The following ADAM12 variants were observed in gnomAD, a reference collection of about 807,000 sequenced individuals.
ADAM12 encodes disintegrin and metalloproteinase domain-containing protein 12.
ADAM12 carries 70 observed loss-of-function variants against 106.4 expected under a neutral mutation model. The observed-to-expected ratio is 0.66, with a 90% CI of 0.54 to 0.80. The LOEUF is 0.80. Ranked by LOEUF, ADAM12 falls within the 30% of genes least tolerant of loss-of-function variation. The pLI is 0.00. For synonymous variants in ADAM12, 420 were observed against 433.5 expected, an observed-to-expected ratio of 0.97 and a Z score of 0.39; for missense variants, 1,010 against 1,171.9, an observed-to-expected ratio of 0.86 and a Z score of 2.02.
chr10:126,190,751 G>C (rs914672971), intron 3 of ADAM12, among the ~76,000 whole-genome samples: 5 of 152,150 alleles, frequency 3.3e-5, no homozygotes, highest in Non-Finnish European at 7.4e-5. Flanking sequence ...TATGGTGGCT[G>C]AGAGCAAAGC....
At chr10:126,346,233 G>A (rs530982269) in intron 1 of ADAM12, among the ~76,000 whole-genome samples, 6 of 152,088 alleles carry the variant, frequency 3.9e-5, no homozygotes, top group Admixed American at 2.0e-4. Context: ...CTTTGTTCTC[G>A]TTGGTTTCAA....
rs200626864 is a variant in ADAM12 at position 126,085,510 on chromosome 10, CATCT to C, written c.1145+8471_1145+8474del. ...ACGTCTATCCATCTGTCCATTGTAC[CATCT>C]ATCTATCCATTATCTGTCCATTTCT... On this transcript the variant is annotated intron_variant, in intron 11 of 22. Coordinates refer to ENST00000448723, the MANE Select transcript of ADAM12 (RefSeq NM_001288973.2). Among the ~76,000 whole-genome samples the C allele has an allele frequency of 9.3e-3, 1,400 of 150,858 alleles. 28 individuals are homozygous for C. Among genetic ancestry groups the C allele is most frequent in the African/African-American group, 0.032 (1,307 of 41,466 alleles).
intron 2 of ADAM12, among the ~76,000 whole-genome samples, chr10:126,310,435 C>T (rs1961032724): frequency 6.6e-6 from 1 of 152,008 alleles, no homozygotes; most frequent in Non-Finnish European, 1.5e-5. Context: ...TTAAAGACCC[C>T]AGAGAATGTA....
chr10:126,106,660 A>T (rs181549068), intron 8 of ADAM12, among the ~76,000 whole-genome samples: 2,364 of 151,464 alleles, frequency 0.016, 80 homozygotes, highest in East Asian at 0.084. Flanking sequence ...TAGTTTTTGT[A>T]TTTTTAGTAG....
At chr10:126,257,970 A>G (rs1958925830) in intron 3 of ADAM12, among the ~76,000 whole-genome samples, 1 of 152,202 alleles carries the variant, frequency 6.6e-6, no homozygotes, top group Admixed American at 6.5e-5. Context: ...TGGCAACCTC[A>G]AATAGAATTG....
chr10:126,124,268 A>C (rs1956162294), intron 5 of ADAM12, among the ~76,000 whole-genome samples: 1 of 150,838 alleles, frequency 6.6e-6, no homozygotes, highest in Non-Finnish European at 1.5e-5. Flanking sequence ...GTGGAAAAGC[A>C]GTTGGCTTGA....
At chr10:126,136,132 A>G (rs117520375) in intron 4 of ADAM12, among the ~76,000 whole-genome samples, 10 of 120,458 alleles carry the variant, frequency 8.3e-5, no homozygotes, top group Admixed American at 7.1e-4. Flanking sequence ...AGAAGGAAGG[A>G]GGGGACCTCA....
chr10:126,144,708 C>T (rs1023734939), intron 4 of ADAM12, among the ~76,000 whole-genome samples: 7 of 152,140 alleles, frequency 4.6e-5, no homozygotes, highest in African/African-American at 1.2e-4. Flanking sequence ...AGTTATCAGC[C>T]GCATCCCAGC....
intron 3 of ADAM12, among the ~76,000 whole-genome samples, chr10:126,253,863 G>A (rs940160212): frequency 2.0e-5 from 3 of 152,192 alleles, no homozygotes; most frequent in African/African-American, 7.2e-5. Flanking sequence ...AGTGAGGTGA[G>A]CCCTAAGCCC....
At chr10:126,230,868 A>T (rs1286342582) in intron 3 of ADAM12, among the ~76,000 whole-genome samples, 3 of 152,232 alleles carry the variant, frequency 2.0e-5, no homozygotes, top group Non-Finnish European at 4.4e-5. Context: ...CAGATTAACT[A>T]TTAACTATTG....
intron 3 of ADAM12, among the ~76,000 whole-genome samples, chr10:126,248,618 T>C (rs1958676264): frequency 6.6e-6 from 1 of 152,136 alleles, no homozygotes; most frequent in Non-Finnish European, 1.5e-5. Context: ...ATGCATACCA[T>C]GAGCTAGGTA....
chr10:126,365,287 T>C (rs554284153), intron 1 of ADAM12, among the ~76,000 whole-genome samples: 58 of 152,288 alleles, frequency 3.8e-4, no homozygotes, highest in Non-Finnish European at 6.8e-4. Context: ...GTTTGTTTAA[T>C]AGACTCCTAA....
intron 4 of ADAM12, among the ~76,000 whole-genome samples, chr10:126,152,736 A>T (rs1173735410): frequency 6.6e-6 from 1 of 152,042 alleles, no homozygotes; most frequent in Non-Finnish European, 1.5e-5. Flanking sequence ...TTACAAAGAG[A>T]TTCCATCTAT....
intron 11 of ADAM12, among the ~76,000 whole-genome samples, chr10:126,093,152 G>T (rs1295369348): frequency 1.3e-5 from 2 of 152,148 alleles, no homozygotes; most frequent in Admixed American, 6.5e-5. Flanking sequence ...AGGTTTCAAG[G>T]TATAATAAAG....
chr10:126,100,229 C>G (rs1453628475), intron 9 of ADAM12, among the ~76,000 whole-genome samples: 1 of 152,112 alleles, frequency 6.6e-6, no homozygotes, highest in Non-Finnish European at 1.5e-5. Flanking sequence ...AGAGGGAACA[C>G]AAGGTTAATG....
rs1445432623 is a variant in ADAM12, at chr10:126,064,580, C to T, written c.1609+226G>A. 1.6e-5 allele frequency: 8 copies of T among 513,876 alleles called. No homozygotes were observed. In the Admixed American group the frequency reaches 2.4e-4, roughly 16 times the overall value. 31.8% of individuals were successfully genotyped at this position (513,876 alleles called of 1,614,324 possible). ...GCAGCTCCTGTTGGACCGCACTGAGCTTCTTAAGGCCAGGCTCCAGGCAGT... is the reference window on the plus strand; with the variant it reads ...GCAGCTCCTGTTGGACCGCACTGAGTTTCTTAAGGCCAGGCTCCAGGCAGT... On this transcript the variant is annotated intron_variant, in intron 14 of 22. Coordinates refer to ENST00000448723, the MANE Select transcript of ADAM12 (RefSeq NM_001288973.2). The surrounding 1 kb of genome is among the most constrained non-coding windows in gnomAD (Gnocchi z 4.4).
intron 1 of ADAM12, among the ~76,000 whole-genome samples, chr10:126,352,968 A>T (rs1245593133): frequency 6.6e-6 from 1 of 152,226 alleles, no homozygotes; most frequent in Admixed American, 6.5e-5. Context: ...TCTGACCACC[A>T]GCTAAAGTCA....
chr10:126,175,881 G>T (rs1261665713), intron 3 of ADAM12, among the ~76,000 whole-genome samples: 2 of 152,226 alleles, frequency 1.3e-5, no homozygotes, highest in Non-Finnish European at 2.9e-5. Context: ...ATGCAAGAGA[G>T]CCCAGTCAGC....
At chr10:126,168,218 C>T (rs1210699101) in intron 3 of ADAM12, among the ~76,000 whole-genome samples, 4 of 152,198 alleles carry the variant, frequency 2.6e-5, no homozygotes, top group African/African-American at 7.2e-5. Context: ...CAGTCAGTAT[C>T]TGCAGAATGT....
Sources: allele counts gnomAD v4.1 joint callset (sites outside exome capture counted in the v4.1 genomes callset), GRCh38; gene constraint gnomAD v4.1.1; non-coding constraint Gnocchi (gnomAD v3.1); transcripts MANE v1.5; gene names NCBI Gene and HGNC (gene_info 2026-07-23, HGNC 2026-07-21).